Variants in RORB observed in about 807,000 individuals in gnomAD.
The protein encoded by RORB is RAR related orphan receptor B, also known as nuclear receptor ROR-beta.
A neutral mutation model predicts 59.1 loss-of-function variants in RORB; 6 were observed. The ratio of observed to expected loss-of-function variants is 0.10; its 90% CI spans 0.06 to 0.20. The LOEUF (loss-of-function observed/expected upper bound fraction) is 0.20. RORB is among the 10% of genes least tolerant of loss of function. The pLI is 1.00. For missense variants in RORB, 320 were observed against 560.5 expected (o/e 0.57, Z 4.33); for synonymous variants, 215 against 204.5 (o/e 1.05, Z -0.44).
chr9:74,584,948 T>A (rs973927806), intron 1 of RORB, among the ~76,000 whole-genome samples: 1 of 152,014 alleles, frequency 6.6e-6, no homozygotes, highest in Non-Finnish European at 1.5e-5. Context: ...CAAAAACAAA[T>A]GCTATGGAAT....
At chr9:74,606,119 A>G (rs1175032746) in intron 1 of RORB, among the ~76,000 whole-genome samples, 1 of 152,212 alleles carries the variant, frequency 6.6e-6, no homozygotes. Context: ...TTGTGATTAA[A>G]TAAATGAGAT....
chr9:74,669,466 C>T (rs938231599), intron 8 of RORB, among the ~76,000 whole-genome samples: 15 of 138,318 alleles, frequency 1.1e-4, no homozygotes, highest in African/African-American at 4.2e-4. Context: ...GCAACAAGAC[C>T]GAAACTCTGT....
intron 1 of RORB, among the ~76,000 whole-genome samples, chr9:74,626,146 G>A (rs1281506069): frequency 6.6e-6 from 1 of 152,038 alleles, no homozygotes; most frequent in Non-Finnish European, 1.5e-5. Flanking sequence ...ACAAAGAAGG[G>A]GTTTTCAGGG....
chr9:74,568,103 C>G (rs1203155143), intron 1 of RORB, among the ~76,000 whole-genome samples: 3 of 152,142 alleles, frequency 2.0e-5, no homozygotes, highest in Admixed American at 1.3e-4. Flanking sequence ...GCTCAATATT[C>G]CAAATTTTTA....
chr9:74,546,074 GA>G (rs1826483907), intron 1 of RORB, among the ~76,000 whole-genome samples: 1 of 152,218 alleles, frequency 6.6e-6, no homozygotes, highest in Non-Finnish European at 1.5e-5. Flanking sequence ...AGACATGGCA[GA>G]AGGAAAATAT....
At chr9:74,515,378 G>A (rs928238808) in intron 1 of RORB, among the ~76,000 whole-genome samples, 1 of 151,754 alleles carries the variant, frequency 6.6e-6, no homozygotes, top group African/African-American at 2.4e-5. Flanking sequence ...TCTATCTCCT[G>A]AGTCTGTGCG....
At chr9:74,631,558 A>G (rs1434757630) in intron 2 of RORB, among the ~76,000 whole-genome samples, 1 of 152,208 alleles carries the variant, frequency 6.6e-6, no homozygotes, top group Non-Finnish European at 1.5e-5. Context: ...TAAATTGACA[A>G]TGCCTTCCTA....
intron 1 of RORB, among the ~76,000 whole-genome samples, chr9:74,500,908 C>G (rs1825796039): frequency 6.6e-6 from 1 of 151,978 alleles, no homozygotes; most frequent in South Asian, 2.1e-4. Flanking sequence ...CATCCTTTGT[C>G]TGTGAGAGGG....
At chr9:74,623,445 T>TA (rs1029020326) in intron 1 of RORB, among the ~76,000 whole-genome samples, 2 of 151,648 alleles carry the variant, frequency 1.3e-5, no homozygotes, top group Non-Finnish European at 2.9e-5. Context: ...CTCTCTCTTT[T>TA]TTTTTTTTTA....
rs190226510 is a variant in RORB at position 74,664,057 on chromosome 9, G to A, written c.893-1431G>A. 1.3e-3 allele frequency among the ~76,000 whole-genome samples: 204 copies of A among 152,160 alleles called. 2 individuals carry two copies. Among genetic ancestry groups the A allele is most frequent in the African/African-American group, 4.6e-3 (193 of 41,518 alleles). ...GTGGTAAGGTCCTAGAAAACATATG[G>A]GATGGAAGATATTTTTTCTGACCCT... On this transcript the variant is annotated intron_variant, in intron 6 of 9. Coordinates refer to ENST00000376896, the MANE Select transcript of RORB (RefSeq NM_006914.4).
chr9:74,593,483 A>G lies in RORB; in HGVS notation c.8-36799A>G, dbSNP rs1053798894. Among the ~76,000 whole-genome samples, 41 of 151,668 alleles carry G rather than the reference A, an allele frequency of 2.7e-4. No individual in the cohort carries two copies. In the East Asian group the frequency reaches 7.4e-3, roughly 27 times the overall value. ...ACTCCATCTAAAAAAAAAAAAAAAAAACAAAAGAGGAAGAAGAACTTCTAA... is the reference window on the plus strand; with the variant it reads ...ACTCCATCTAAAAAAAAAAAAAAAAGACAAAAGAGGAAGAAGAACTTCTAA... On this transcript the variant is annotated intron_variant, in intron 1 of 9. Transcript: ENST00000376896.
intron 1 of RORB, among the ~76,000 whole-genome samples, chr9:74,579,182 A>T (rs1474499690): frequency 6.6e-6 from 1 of 152,152 alleles, no homozygotes; most frequent in Non-Finnish European, 1.5e-5. Flanking sequence ...TATAAGAAGC[A>T]TCCCATTTCA....
chr9:74,571,371 T>G (rs1004522376), intron 1 of RORB, among the ~76,000 whole-genome samples: 1 of 151,466 alleles, frequency 6.6e-6, no homozygotes, highest in Non-Finnish European at 1.5e-5. Flanking sequence ...CGGAGCAGTA[T>G]TTTTCACTAC....
intron 1 of RORB, among the ~76,000 whole-genome samples, chr9:74,559,868 G>A (rs1440292507): frequency 6.6e-6 from 1 of 152,116 alleles, no homozygotes; most frequent in Non-Finnish European, 1.5e-5. Flanking sequence ...TCATATAGAA[G>A]GTAGTTGAGT....
intron 1 of RORB, among the ~76,000 whole-genome samples, chr9:74,551,166 T>A (rs1469899660): frequency 6.6e-6 from 1 of 152,218 alleles, no homozygotes; most frequent in Non-Finnish European, 1.5e-5. Context: ...CTCATTTGTC[T>A]GAGGGGGGAT....
At chr9:74,601,512 C>T (rs1238554080) in intron 1 of RORB, among the ~76,000 whole-genome samples, 1 of 151,992 alleles carries the variant, frequency 6.6e-6, no homozygotes, top group Non-Finnish European at 1.5e-5. Context: ...ATATTTTATG[C>T]ATAAACAAGT....
chr9:74,674,680 C>T (rs1348739780), intron 9 of RORB, among the ~76,000 whole-genome samples: 2 of 152,104 alleles, frequency 1.3e-5, no homozygotes, highest in Admixed American at 6.5e-5. Flanking sequence ...ATTATGTATC[C>T]TAACATTAAC....
chr9:74,621,990 C>T (rs909024427), intron 1 of RORB, among the ~76,000 whole-genome samples: 7 of 152,128 alleles, frequency 4.6e-5, no homozygotes, highest in East Asian at 3.9e-4. Context: ...TCAGTCCTGA[C>T]GTCTCTCCAT....
intron 3 of RORB, among the ~76,000 whole-genome samples, chr9:74,636,918 T>A (rs1002776089): frequency 6.6e-6 from 1 of 152,158 alleles, no homozygotes; most frequent in Non-Finnish European, 1.5e-5. Flanking sequence ...GCCAAGTAAA[T>A]TATGCTAATA....
Sources: allele counts gnomAD v4.1 joint callset (sites outside exome capture counted in the v4.1 genomes callset), GRCh38; gene constraint gnomAD v4.1.1; transcripts MANE v1.5; gene names NCBI Gene and HGNC (gene_info 2026-07-23, HGNC 2026-07-21).